The following CCDC178 variants were observed in gnomAD, a reference collection of about 807,000 sequenced individuals.
CCDC178 encodes the protein coiled-coil domain-containing protein 178.
A neutral mutation model predicts 117.4 loss-of-function variants in CCDC178; 126 were observed. The ratio of observed to expected loss-of-function variants is 1.07; its 90% confidence interval spans 0.93 to 1.24. The LOEUF (loss-of-function observed/expected upper bound fraction) is 1.24. CCDC178 is among the 50% of genes most tolerant of loss of function. CCDC178 has a pLI of 0.00. For synonymous variants in CCDC178, 283 were observed against 313.4 expected, an observed-to-expected ratio of 0.90 and a Z score of 1.02; for missense variants, 1,030 against 986.9, an observed-to-expected ratio of 1.04 and a Z score of -0.59.
intron 11 of CCDC178, among the ~76,000 whole-genome samples, chr18:33,303,135 T>G (rs2062200373): frequency 6.6e-6 from 1 of 152,160 alleles, no homozygotes; most frequent in African/African-American, 2.4e-5. Context: ...TATATACATA[T>G]TCTATATGTC....
intron 21 of CCDC178, among the ~76,000 whole-genome samples, chr18:33,082,191 T>C (rs1263387469): frequency 6.6e-6 from 1 of 152,052 alleles, no homozygotes; most frequent in Non-Finnish European, 1.5e-5. Context: ...AATAATTAGG[T>C]CTGGCATGGT....
At chr18:33,232,566 G>C (rs1360852418) in intron 15 of CCDC178, among the ~76,000 whole-genome samples, 1 of 152,150 alleles carries the variant, frequency 6.6e-6, no homozygotes, top group African/African-American at 2.4e-5. Flanking sequence ...CTCTGGCTAT[G>C]GTTGTGCATT....
intron 21 of CCDC178, among the ~76,000 whole-genome samples, chr18:33,041,169 T>C (rs1007255268): frequency 7.9e-5 from 12 of 151,964 alleles, no homozygotes; most frequent in African/African-American, 2.9e-4. Context: ...TACCCATATC[T>C]ATATAAACAA....
intron 2 of CCDC178, among the ~76,000 whole-genome samples, chr18:33,420,474 T>C (rs746928697): frequency 6.6e-6 from 1 of 152,132 alleles, no homozygotes; most frequent in Non-Finnish European, 1.5e-5. Context: ...ATGCCTCAGC[T>C]TCCTGAGTAA....
intron 20 of CCDC178, among the ~76,000 whole-genome samples, chr18:33,149,676 T>C (rs557910378): frequency 6.6e-6 from 1 of 152,282 alleles, no homozygotes; most frequent in South Asian, 2.1e-4. Context: ...CCTCCACCCA[T>C]TAATATTCCA....
intron 8 of CCDC178, among the ~76,000 whole-genome samples, chr18:33,347,369 G>T (rs1199675156): frequency 6.6e-6 from 1 of 152,118 alleles, no homozygotes; most frequent in Non-Finnish European, 1.5e-5. Flanking sequence ...GGTGATAAGC[G>T]CAAGCTCAGC....
At chr18:33,314,016 C>T (rs1171081495) in intron 11 of CCDC178, among the ~76,000 whole-genome samples, 6 of 150,470 alleles carry the variant, frequency 4.0e-5, no homozygotes, top group East Asian at 2.0e-4. Context: ...CCGGCTAAAA[C>T]GGTGAAATCC....
chr18:32,969,415 C>T (rs530495414), intron 22 of CCDC178, among the ~76,000 whole-genome samples: 5 of 152,110 alleles, frequency 3.3e-5, no homozygotes, highest in Admixed American at 1.3e-4. Context: ...CAGAAGTGCA[C>T]GCTTGGACAG....
At chr18:33,199,725 G>C (rs911141996) in intron 20 of CCDC178, among the ~76,000 whole-genome samples, 5 of 152,028 alleles carry the variant, frequency 3.3e-5, no homozygotes, top group Admixed American at 1.3e-4. Context: ...CTTCTCCAAG[G>C]TTCCTGTATT....
At position 33,189,278 on chromosome 18, in the gene CCDC178, A is replaced by G. The variant is rs549816153; in HGVS notation, c.2238+22618T>C. Among the ~76,000 whole-genome samples the G allele has an allele frequency of 5.3e-5, 8 of 152,308 alleles. No homozygotes were observed. In the South Asian group the frequency reaches 1.7e-3, roughly 32 times the overall value. On this transcript the variant is annotated intron_variant, in intron 20 of 22. Transcript: ENST00000383096. ...ACAAGATGAGGGGTTTGCTAAGGGC[A>G]AGTAGTATAAGCAGCAGAAGAATAA... is the stretch of plus-strand genomic sequence containing the variant.
chr18:33,268,254 T>C (rs1040911528), intron 12 of CCDC178, among the ~76,000 whole-genome samples: 1 of 151,872 alleles, frequency 6.6e-6, no homozygotes, highest in East Asian at 1.9e-4. Context: ...AATACTTCTA[T>C]ATTAAGGCAA....
chr18:33,091,787 A>C (rs1291569491), intron 21 of CCDC178, among the ~76,000 whole-genome samples: 2 of 152,162 alleles, frequency 1.3e-5, no homozygotes, highest in Non-Finnish European at 1.5e-5. Flanking sequence ...AGCATCCCTT[A>C]AATTTTAAAG....
intron 7 of CCDC178, among the ~76,000 whole-genome samples, chr18:33,354,945 TA>T (rs1308633907): frequency 6.6e-6 from 1 of 152,184 alleles, no homozygotes; most frequent in African/African-American, 2.4e-5. Context: ...ATAATTTCTC[TA>T]ATTGAGATTT....
chr18:33,055,449 G>A (rs959833537), intron 21 of CCDC178, among the ~76,000 whole-genome samples: 3 of 151,434 alleles, frequency 2.0e-5, no homozygotes, highest in South Asian at 2.1e-4. Flanking sequence ...GGTTCCTCCC[G>A]CCTCAGCCTC....
At chr18:33,326,820 A>G (rs922749601) in intron 10 of CCDC178, among the ~76,000 whole-genome samples, 1 of 151,616 alleles carries the variant, frequency 6.6e-6, no homozygotes, top group Non-Finnish European at 1.5e-5. Context: ...ATTCGAAGAC[A>G]TCAAGTCTAC....
chr18:33,049,097 G>T (rs557818330), intron 21 of CCDC178, among the ~76,000 whole-genome samples: 1 of 152,126 alleles, frequency 6.6e-6, no homozygotes, highest in South Asian at 2.1e-4. Flanking sequence ...ATAAAACTAA[G>T]ACCTAAAAAG....
At chr18:33,174,002 C>T (rs779341955) in intron 20 of CCDC178, among the ~76,000 whole-genome samples, 2 of 151,734 alleles carry the variant, frequency 1.3e-5, no homozygotes, top group African/African-American at 2.4e-5. Flanking sequence ...TAAAGAAATA[C>T]CTGAGACTGG....
At chr18:33,162,343 T>G (rs271492) in intron 20 of CCDC178, among the ~76,000 whole-genome samples, 24,517 of 152,152 alleles carry the variant, frequency 0.16, 2,756 homozygotes, top group African/African-American at 0.32. Flanking sequence ...TTAAAAAAAA[T>G]AATTTGTTAA....
chr18:33,384,722 A>G (rs1044542211), intron 5 of CCDC178, among the ~76,000 whole-genome samples: 1 of 152,180 alleles, frequency 6.6e-6, no homozygotes, highest in Non-Finnish European at 1.5e-5. Flanking sequence ...AACACTAAAC[A>G]TAGATAGGAA....
Sources: allele counts gnomAD v4.1 joint callset (sites outside exome capture counted in the v4.1 genomes callset), GRCh38; gene constraint gnomAD v4.1.1; transcripts MANE v1.5; gene names NCBI Gene and HGNC (gene_info 2026-07-23, HGNC 2026-07-21).